Variants in SMS observed in about 807,000 individuals in gnomAD.
SMS encodes the protein spermidine aminopropyltransferase.
Under a neutral mutation model 33.0 loss-of-function variants are expected in SMS, and 3 were observed. That is an observed-to-expected ratio of 0.09 (90% CI 0.04 to 0.23). The LOEUF (loss-of-function observed/expected upper bound fraction) is 0.23, where lower values mean the gene tolerates loss of function less well. Ranked by LOEUF, SMS falls within the 10% of genes least tolerant of loss-of-function variation. SMS has a pLI of 1.00. For missense variants in SMS, 117 were observed against 288.6 expected, an observed-to-expected ratio of 0.41 and a Z score of 4.31; for synonymous variants, 103 against 112.2, an observed-to-expected ratio of 0.92 and a Z score of 0.52.
chrX:21,978,396 G>A (rs1348037601), intron 6 of SMS, among the ~76,000 whole-genome samples: 2 of 111,353 alleles, frequency 1.8e-5, no homozygotes, highest in East Asian at 5.7e-4. Flanking sequence ...TCGACATGGC[G>A]AAACCCTACC....
intron 1 of SMS, among the ~76,000 whole-genome samples, chrX:21,963,564 G>A (rs1232898465): frequency 1.8e-5 from 2 of 112,020 alleles, no homozygotes; most frequent in Admixed American, 9.4e-5. Context: ...TAGCCCACAC[G>A]GTGCCTTTCT....
chrX:21,956,997 G>A (rs971745465), intron 1 of SMS, among the ~76,000 whole-genome samples: 1 of 111,653 alleles, frequency 9.0e-6, no homozygotes, highest in Non-Finnish European at 1.9e-5. Context: ...CAGTGACAGT[G>A]CCTACACACC....
At chrX:21,975,961 A>G (rs959322859) in intron 4 of SMS, among the ~76,000 whole-genome samples, 1 of 110,843 alleles carries the variant, frequency 9.0e-6, no homozygotes, top group African/African-American at 3.3e-5. Context: ...GTTGAACACT[A>G]CTGTGTTTGA....
In SMS at chrX:21,994,513, T is replaced by G; in HGVS notation, c.*162T>G. 9.3e-7 allele frequency: 1 copy of G among 1,077,961 alleles called. No individual in the cohort carries two copies. The highest frequency in any genetic ancestry group is 1.2e-6 in the Non-Finnish European group (1 of 835,349). 88.8% of individuals were successfully genotyped at this position (1,077,961 alleles called of 1,213,427 possible). On this transcript the variant is annotated 3_prime_UTR_variant, in exon 11 of 11. Transcript: ENST00000404933. ...TAAAAAAGCAAATGGAAAATGTATA[T>G]TTTGATGAGCTTAGGGTGTTTTTTT...
At chrX:21,965,264 T>A (rs890058944) in intron 1 of SMS, among the ~76,000 whole-genome samples, 2 of 111,890 alleles carry the variant, frequency 1.8e-5, no homozygotes, top group Non-Finnish European at 3.8e-5. Context: ...ATCTTTTTGG[T>A]GCTACCATTA....
At position 21,994,397 on chromosome X, in the gene SMS, C is replaced by T. The variant is rs1343952194; in HGVS notation, c.*46C>T. On this transcript the variant is annotated 3_prime_UTR_variant, in exon 11 of 11. Coordinates refer to ENST00000404933, the MANE Select transcript of SMS (RefSeq NM_004595.5). ...CATGTGCTGCAAATAGCCTTCCTGA[C>T]CTCCATATGCTGTACATGACATCAA... 1 of 1,194,158 alleles carries T rather than the reference C, an allele frequency of 8.4e-7. No homozygotes were observed. The highest frequency in any genetic ancestry group is 3.0e-5 in the East Asian group (1 of 33,717).
chrX:21,940,741 A>C lies in SMS; in HGVS notation c.-84A>C. ...GCCTCCCCGGGCGCAGCACACTCCC[A>C]GCCGGCCGCAGCCTGACACGCCGCG... On this transcript the variant is annotated 5_prime_UTR_variant, in exon 1 of 11. Coordinates refer to ENST00000404933, the MANE Select transcript of SMS (RefSeq NM_004595.5). 1.2e-6 allele frequency: 1 copy of C among 807,000 alleles called. No individual in the cohort carries two copies. 66.5% of individuals were successfully genotyped at this position (807,000 alleles called of 1,213,427 possible).
At chrX:21,981,815 A>G (rs1361182142) in intron 7 of SMS, among the ~76,000 whole-genome samples, 2 of 111,577 alleles carry the variant, frequency 1.8e-5, no homozygotes, top group African/African-American at 6.5e-5. Flanking sequence ...GGAGTTCAGA[A>G]ATCTCTTAAA....
chrX:21,943,727 C>G (rs1921990616), intron 1 of SMS, among the ~76,000 whole-genome samples: 2 of 111,242 alleles, frequency 1.8e-5, no homozygotes, highest in South Asian at 7.6e-4. Context: ...ATATTGCATT[C>G]TCTTCCATCA....
intron 9 of SMS, among the ~76,000 whole-genome samples, chrX:21,991,323 G>A (rs190709329): frequency 2.7e-5 from 3 of 110,799 alleles, no homozygotes; most frequent in East Asian, 5.7e-4. Context: ...GGTTACAGGC[G>A]CATGCCACCA....
chrX:21,972,077 T>G, intron 3 of SMS, 87 bp downstream of exon 3: 1 of 634,564 alleles, frequency 1.6e-6, no homozygotes, highest in Non-Finnish European at 2.6e-6. Context: ...CTTCATTGCT[T>G]ACTTTCCAGT....
intron 1 of SMS, chrX:21,941,281 C>A (rs1421598643): frequency 1.7e-5 from 3 of 176,059 alleles, no homozygotes; most frequent in Non-Finnish European, 3.2e-5. Flanking sequence ...TGCGGCGGAG[C>A]GAGGCGTGAC....
At chrX:21,949,314 A>G (rs1249609613) in intron 1 of SMS, among the ~76,000 whole-genome samples, 1 of 112,438 alleles carries the variant, frequency 8.9e-6, no homozygotes, top group Non-Finnish European at 1.9e-5. Flanking sequence ...TTGGAAGAGT[A>G]TCAAATGATA....
chrX:21,980,429 A>AAATATATAT lies in SMS; in HGVS notation c.750+1464_750+1465insATATATATA, dbSNP rs1260210326. Among the ~76,000 whole-genome samples, 13 of 63,039 alleles carry AAATATATAT rather than the reference A, an allele frequency of 2.1e-4. No homozygotes were observed. The Admixed American group carries it at 3.3e-3, about 16-fold the overall frequency. The allele number at this position is 63,039 out of a possible 115,157, so 54.7% of individuals were successfully genotyped here. On this transcript the variant is annotated intron_variant, in intron 7 of 10. Coordinates refer to ENST00000404933, the MANE Select transcript of SMS (RefSeq NM_004595.5). ...GAGACTGTCTCCAAAAAAAAAAAAA[A>AAATATATAT]ATATATATATATATATATATATATT...
chrX:21,978,872 C>T lies in SMS; in HGVS notation c.661-5C>T, dbSNP rs371972467. 93 of 1,184,766 alleles carry T rather than the reference C, an allele frequency of 7.8e-5. No individual in the cohort carries two copies. The highest frequency in any genetic ancestry group is 5.2e-4 in the Admixed American group (24 of 45,761). On this transcript the variant is annotated splice_region_variant and splice_polypyrimidine_tract_variant and intron_variant, in intron 6 of 10. Transcript: ENST00000404933. ...TACCCAAATTCTCCTTAACCTGTTG[C>T]GGACATTGACCAAATGGTGATTGAT...
At chrX:21,981,791 G>C (rs571357969) in intron 7 of SMS, among the ~76,000 whole-genome samples, 1 of 111,551 alleles carries the variant, frequency 9.0e-6, no homozygotes, top group East Asian at 2.8e-4. Context: ...AGACAATTTA[G>C]AGTACTTAAC....
chrX:21,944,586 T>C (rs980352510), intron 1 of SMS, among the ~76,000 whole-genome samples: 4 of 104,598 alleles, frequency 3.8e-5, no homozygotes, highest in African/African-American at 7.0e-5. Flanking sequence ...TCTGCACCTG[T>C]AGTCCCAGCT....
chrX:21,969,125 T>C (rs1403513143), intron 2 of SMS, among the ~76,000 whole-genome samples: 2 of 111,127 alleles, frequency 1.8e-5, no homozygotes, highest in African/African-American at 6.6e-5. Context: ...AAACCTGTAC[T>C]TTTTGAGCTC....
intron 4 of SMS, among the ~76,000 whole-genome samples, chrX:21,974,163 C>G (rs745689857): frequency 8.9e-6 from 1 of 112,421 alleles, no homozygotes; most frequent in African/African-American, 3.2e-5. Flanking sequence ...TCCTTATTGG[C>G]AAGTGTTAGG....
Sources: gnomAD v4.1 joint callset for allele counts (sites outside exome capture counted in the v4.1 genomes callset) on GRCh38, gnomAD v4.1.1 for gene constraint, MANE v1.5 for transcripts, NCBI Gene and HGNC (gene_info 2026-07-23, HGNC 2026-07-21) for gene names.